SLC4A5: variants seen among roughly 807,000 people sequenced by gnomAD.
SLC4A5 encodes the protein electrogenic sodium bicarbonate cotransporter 4.
SLC4A5 carries 96 observed loss-of-function variants against 120.4 expected under a neutral mutation model. The observed-to-expected ratio is 0.80, with a 90% CI of 0.68 to 0.94. The LOEUF (loss-of-function observed/expected upper bound fraction) is 0.94, where lower values mean the gene tolerates loss of function less well. SLC4A5 is among the 40% of genes least tolerant of loss of function. SLC4A5 has a pLI of 0.00. For missense variants in SLC4A5, 1,259 were observed against 1,459.5 expected (o/e 0.86, Z 2.24); for synonymous variants, 550 against 571.1 (o/e 0.96, Z 0.53).
At chr2:74,238,884 A>C (rs1223934720) in intron 21 of SLC4A5, among the ~76,000 whole-genome samples, 2 of 152,226 alleles carry the variant, frequency 1.3e-5, no homozygotes, top group African/African-American at 2.4e-5. Context: ...AAACAGTCAC[A>C]GAGTGGGAGA....
rs983208048 is a variant in SLC4A5, at chr2:74,255,709, C to T, written c.1025+66G>A. ...AGAACACTAACAGTCAACAGCACTG[C>T]TTGCTGACTGCACTGCTGACTGGCT... On this transcript the variant is annotated intron_variant, in intron 13 of 30. Transcript: ENST00000394019. The surrounding 1 kb of genome is among the most constrained non-coding windows in gnomAD (Gnocchi z 4.0). 11 of 1,583,896 alleles carry T rather than the reference C, an allele frequency of 6.9e-6. 1 individual carries two copies. In the Admixed American group the frequency reaches 8.5e-5, roughly 12 times the overall value.
chr2:74,225,362 G>A (rs982036776), intron 27 of SLC4A5, among the ~76,000 whole-genome samples: 4 of 152,162 alleles, frequency 2.6e-5, no homozygotes, highest in Non-Finnish European at 5.9e-5. Context: ...TTGGGAGGCC[G>A]AGGTGGGCAG....
chr2:74,237,100 C>T (rs185652132), intron 21 of SLC4A5, among the ~76,000 whole-genome samples: 6 of 152,114 alleles, frequency 3.9e-5, no homozygotes, highest in Admixed American at 3.9e-4. Flanking sequence ...CCTCAGCCTC[C>T]CAAGTAGCTG....
chr2:74,261,935 G>A (rs6722230), intron 11 of SLC4A5, among the ~76,000 whole-genome samples: 9,462 of 152,228 alleles, frequency 0.062, 592 homozygotes, highest in African/African-American at 0.16. Flanking sequence ...ATTTTTCAGA[G>A]GAATGACTTG....
chr2:74,309,093 T>A (rs77777676), intron 6 of SLC4A5, among the ~76,000 whole-genome samples: 5 of 151,812 alleles, frequency 3.3e-5, no homozygotes, highest in Non-Finnish European at 7.4e-5. Flanking sequence ...TTTTTTTTTT[T>A]AATTTTTAGT....
exon 9 of SLC4A5, chr2:74,265,165 G>C: frequency 6.2e-7 from 1 of 1,614,230 alleles, no homozygotes; most frequent in Non-Finnish European, 8.5e-7. Context: ...TCTGCAGGCA[G>C]GTACGGAGCT....
At chr2:74,230,356 G>A (rs1030305795) in intron 25 of SLC4A5, among the ~76,000 whole-genome samples, 5 of 152,092 alleles carry the variant, frequency 3.3e-5, no homozygotes, top group African/African-American at 1.2e-4. Flanking sequence ...TGTGGGGGAC[G>A]CCTGCCTCCA....
chr2:74,252,975 T>G, exon 15 of SLC4A5: 1 of 1,614,128 alleles, frequency 6.2e-7, no homozygotes, highest in Non-Finnish European at 8.5e-7. Flanking sequence ...CATACACACC[T>G]CTTGTCAGCA....
intron 8 of SLC4A5, among the ~76,000 whole-genome samples, chr2:74,268,558 A>G (rs532331799): frequency 1.3e-5 from 2 of 152,378 alleles, no homozygotes; most frequent in Middle Eastern, 3.4e-3. Context: ...TTTATTATTA[A>G]TTAAGGCTGG....
At chr2:74,293,396 TG>T (rs1410293220) in intron 7 of SLC4A5, among the ~76,000 whole-genome samples, 1 of 152,176 alleles carries the variant, frequency 6.6e-6, no homozygotes, top group Non-Finnish European at 1.5e-5. Context: ...GCTGTATTTG[TG>T]TGACATGTGA....
intron 6 of SLC4A5, chr2:74,307,077 C>T (rs1672666449): frequency 3.5e-6 from 2 of 564,664 alleles, no homozygotes. Flanking sequence ...CTTCAGATTT[C>T]TCATGGAGTC....
At chr2:74,243,466 G>C (rs568578488) in intron 19 of SLC4A5, among the ~76,000 whole-genome samples, 22 of 152,308 alleles carry the variant, frequency 1.4e-4, no homozygotes, top group African/African-American at 5.3e-4. Context: ...CCAACCCAGA[G>C]GTTTGTTAGG....
chr2:74,315,757 ACTGCATTACAGC>A (rs1009276165), intron 5 of SLC4A5, among the ~76,000 whole-genome samples: 12 of 152,076 alleles, frequency 7.9e-5, no homozygotes, highest in African/African-American at 2.9e-4. Flanking sequence ...TGATTGTGCC[ACTGCATTACAGC>A]CTGGGTGACA....
At chr2:74,263,976 C>A (rs573003242) in intron 10 of SLC4A5, among the ~76,000 whole-genome samples, 171 bp downstream of exon 10, 1 of 152,238 alleles carries the variant, frequency 6.6e-6, no homozygotes, top group Non-Finnish European at 1.5e-5. Flanking sequence ...GGGAACAACA[C>A]GGGAGTGTGG....
At chr2:74,265,965 C>T (rs894944622) in intron 8 of SLC4A5, among the ~76,000 whole-genome samples, 11 of 152,274 alleles carry the variant, frequency 7.2e-5, no homozygotes, top group African/African-American at 2.6e-4. Context: ...GCCGGAGACA[C>T]CTAGCTCCCC....
At chr2:74,242,166 T>A in intron 19 of SLC4A5, 114 bp from the exon 20 acceptor site, 4 of 894,624 alleles carry the variant, frequency 4.5e-6, no homozygotes, top group Non-Finnish European at 6.8e-6. Context: ...TGGCTTCCAT[T>A]GTGAGGGCAG....
chr2:74,289,577 A>C (rs529277216), intron 7 of SLC4A5, among the ~76,000 whole-genome samples: 1 of 152,200 alleles, frequency 6.6e-6, no homozygotes, highest in Non-Finnish European at 1.5e-5. Context: ...TCAGCCTCCT[A>C]AAGTGCCAGG....
intron 4 of SLC4A5, among the ~76,000 whole-genome samples, chr2:74,329,263 G>A (rs140871565): frequency 6.6e-6 from 1 of 152,300 alleles, no homozygotes; most frequent in East Asian, 1.9e-4. Context: ...ATAGAGGTGT[G>A]AGGTGTAGAT....
At chr2:74,331,684 C>T (rs1211106786) in intron 4 of SLC4A5, among the ~76,000 whole-genome samples, 2 of 151,892 alleles carry the variant, frequency 1.3e-5, no homozygotes, top group African/African-American at 2.4e-5. Context: ...TGGCATTTGT[C>T]AGGGGGAAAT....
Sources: gnomAD v4.1 joint callset for allele counts (sites outside exome capture counted in the v4.1 genomes callset) on GRCh38, gnomAD v4.1.1 for gene constraint, Gnocchi (gnomAD v3.1) non-coding constraint, MANE v1.5 for transcripts, NCBI Gene and HGNC (gene_info 2026-07-23, HGNC 2026-07-21) for gene names.